Variants in KAZN observed in about 807,000 individuals in gnomAD.
The protein encoded by KAZN is kazrin, periplakin interacting protein, also known as kazrin.
In KAZN, 40 loss-of-function variants were observed where a neutral mutation model predicts 87.4. The observed-to-expected ratio is 0.46, with a 90% confidence interval of 0.36 to 0.60. The LOEUF (loss-of-function observed/expected upper bound fraction) is 0.60. Ranked by LOEUF, KAZN falls within the 20% of genes least tolerant of loss-of-function variation. The probability of loss-of-function intolerance (pLI) is 0.00; values close to 1 mark genes in which losing one functional copy is unlikely to be tolerated. For missense variants in KAZN, 898 were observed against 1,073.9 expected (o/e 0.84, Z 2.29); for synonymous variants, 466 against 458.3 (o/e 1.02, Z -0.22).
chr1:14,823,376 A>G (rs1646791530), intron 1 of KAZN, among the ~76,000 whole-genome samples: 1 of 152,132 alleles, frequency 6.6e-6, no homozygotes, highest in African/African-American at 2.4e-5. Context: ...GAGATACCCC[A>G]GTGTGGTATC....
At chr1:14,469,261 T>C (rs559048649) in intron 2 of KAZN, among the ~76,000 whole-genome samples, 1 of 152,322 alleles carries the variant, frequency 6.6e-6, no homozygotes, top group Admixed American at 6.5e-5. Context: ...TATAAAGTGT[T>C]CCAATAGATC....
At chr1:15,012,932 A>C (rs1315550520) in intron 2 of KAZN, among the ~76,000 whole-genome samples, 1 of 152,160 alleles carries the variant, frequency 6.6e-6, no homozygotes, top group Non-Finnish European at 1.5e-5. Context: ...AAAAAAGAAA[A>C]GAATGGGAAG....
intron 2 of KAZN, among the ~76,000 whole-genome samples, chr1:14,187,850 T>C (rs1646340803): frequency 6.6e-6 from 1 of 152,214 alleles, no homozygotes; most frequent in Non-Finnish European, 1.5e-5. Flanking sequence ...TTCTTTTATT[T>C]CAAGCCCTAT....
intron 1 of KAZN, among the ~76,000 whole-genome samples, chr1:14,600,065 G>C (rs1461824405): frequency 6.6e-6 from 1 of 151,546 alleles, no homozygotes; most frequent in East Asian, 1.9e-4. Flanking sequence ...TGGTTTCTGT[G>C]ACTTAGAAAG....
chr1:14,734,276 G>T (rs1008587413), intron 1 of KAZN, among the ~76,000 whole-genome samples: 1 of 151,678 alleles, frequency 6.6e-6, no homozygotes, highest in Non-Finnish European at 1.5e-5. Flanking sequence ...CTGGGGTGGG[G>T]CCAGAGAGTC....
intron 10 of KAZN, among the ~76,000 whole-genome samples, chr1:15,100,054 G>A (rs1176985376): frequency 1.3e-5 from 2 of 152,128 alleles, no homozygotes; most frequent in Non-Finnish European, 2.9e-5. Context: ...ACAGCTAGAG[G>A]CTGAGAGAGG....
intron 1 of KAZN, among the ~76,000 whole-genome samples, chr1:14,084,468 G>T (rs1643790472): frequency 6.6e-6 from 1 of 152,108 alleles, no homozygotes; most frequent in South Asian, 2.1e-4. Flanking sequence ...GCCCATGTAT[G>T]TGTACACACA....
intron 1 of KAZN, among the ~76,000 whole-genome samples, chr1:14,125,635 G>A (rs1195571806): frequency 6.6e-6 from 1 of 152,112 alleles, no homozygotes; most frequent in Non-Finnish European, 1.5e-5. Context: ...GGGGAGCGGG[G>A]CCCTGCTGAC....
chr1:14,719,619 A>T (rs1040843374), intron 1 of KAZN, among the ~76,000 whole-genome samples: 2 of 152,232 alleles, frequency 1.3e-5, no homozygotes, highest in African/African-American at 4.8e-5. Flanking sequence ...CGGGCGGATC[A>T]CCTGAGGTCA....
At chr1:14,866,283 G>A (rs573040546) in intron 1 of KAZN, among the ~76,000 whole-genome samples, 7 of 152,230 alleles carry the variant, frequency 4.6e-5, no homozygotes, top group Non-Finnish European at 7.4e-5. Flanking sequence ...TTACCTCACC[G>A]AAAGCAGGTG....
chr1:15,104,291 C>A, intron 13 of KAZN, 102 bp downstream of exon 13: 1 of 1,173,688 alleles, frequency 8.5e-7, no homozygotes, highest in Non-Finnish European at 1.2e-6. Flanking sequence ...CCATCACTTA[C>A]TGCCTCCCAC....
intron 1 of KAZN, among the ~76,000 whole-genome samples, chr1:14,905,274 G>A (rs1302193193): frequency 6.6e-6 from 1 of 152,174 alleles, no homozygotes; most frequent in Non-Finnish European, 1.5e-5. Flanking sequence ...GGCCAGGCTG[G>A]TCTCAAACTC....
At chr1:14,463,240 C>A (rs1417222734) in intron 2 of KAZN, among the ~76,000 whole-genome samples, 2 of 152,122 alleles carry the variant, frequency 1.3e-5, no homozygotes, top group African/African-American at 4.8e-5. Context: ...TGTCATGGTG[C>A]TGGTGGGAGC....
chr1:14,274,154 G>A (rs926766009), intron 2 of KAZN, among the ~76,000 whole-genome samples: 4 of 152,154 alleles, frequency 2.6e-5, no homozygotes, highest in East Asian at 1.9e-4. Flanking sequence ...AGCTACAAAC[G>A]TTGCCTTGGG....
intron 1 of KAZN, among the ~76,000 whole-genome samples, chr1:13,989,211 T>C (rs1639165735): frequency 6.6e-6 from 1 of 152,110 alleles, no homozygotes; most frequent in African/African-American, 2.4e-5. Flanking sequence ...CACCTCCCAA[T>C]ACTATTGCAT....
At chr1:14,972,880 G>C (rs759560560) in intron 2 of KAZN, among the ~76,000 whole-genome samples, 6 of 152,036 alleles carry the variant, frequency 3.9e-5, no homozygotes, top group Non-Finnish European at 5.9e-5. Flanking sequence ...CAGGGCTTTG[G>C]GGTATTGAAT....
chr1:13,911,206 G>A (rs559877296), intron 1 of KAZN, among the ~76,000 whole-genome samples: 53 of 152,216 alleles, frequency 3.5e-4, no homozygotes, highest in Non-Finnish European at 3.5e-4. Context: ...TCACCACCAC[G>A]CCTGTCTCAT....
chr1:14,827,355 C>T (rs1422911024), intron 1 of KAZN, among the ~76,000 whole-genome samples: 9 of 152,192 alleles, frequency 5.9e-5, no homozygotes, highest in Admixed American at 1.3e-4. Flanking sequence ...GTGCACCCAT[C>T]ACCCGAGCAG....
At chr1:14,867,639 T>C (rs1219580568) in intron 1 of KAZN, among the ~76,000 whole-genome samples, 10 of 152,166 alleles carry the variant, frequency 6.6e-5, no homozygotes, top group African/African-American at 2.2e-4. Flanking sequence ...GTTTGTGTTA[T>C]TAATGACAAC....
Sources: gnomAD v4.1 joint callset for allele counts (sites outside exome capture counted in the v4.1 genomes callset) on GRCh38, gnomAD v4.1.1 for gene constraint, MANE v1.5 for transcripts, NCBI Gene and HGNC (gene_info 2026-07-23, HGNC 2026-07-21) for gene names.